Variants in PPP1R16A observed in about 807,000 individuals in gnomAD.
The protein encoded by PPP1R16A is protein phosphatase 1 regulatory subunit 16A, also known as myosin phosphatase-targeting subunit 3.
PPP1R16A carries 39 observed loss-of-function variants against 46.6 expected under a neutral mutation model. That is an observed-to-expected ratio of 0.84 (90% CI 0.65 to 1.09). The LOEUF is 1.09. Among genes scored for constraint, PPP1R16A ranks in the 50% least tolerant of loss-of-function variants. PPP1R16A has a pLI of 0.00. For missense variants in PPP1R16A, 798 were observed against 735.6 expected (o/e 1.08, Z -0.98); for synonymous variants, 413 against 321.5 (o/e 1.28, Z -3.04).
chr8:144,497,401 C>T lies in PPP1R16A; in HGVS notation c.207C>T (p.Phe69=). 6.2e-7 allele frequency: 1 copy of T among 1,613,084 alleles called. No homozygotes were observed. Among genetic ancestry groups the T allele is most frequent in the African/African-American group, 1.3e-5 (1 of 75,064 alleles). ...ASQGLLKQVL[F]PPSVVLLEAA... is the part of the protein sequence containing the mutation. ...AAGGGCTCCTGAAGCAGGTCCTCTT[C>T]CCTCCCAGTGTTGTCCTTCTGGAGG... Residue 69 remains phenylalanine, a synonymous_variant, in exon 3 of 12, where the codon TTC becomes TTT. Coordinates refer to ENST00000435887, the MANE Select transcript of PPP1R16A (RefSeq NM_001329443.2).
rs772518785 is a variant in PPP1R16A, at chr8:144,497,219, G to T, written c.25G>T (p.Ala9Ser). The change falls in exon 3 of 12, where the codon GCA becomes TCA. Residue 9 changes from alanine (A) to serine (S), a missense_variant. Physicochemically the swap from Ala to Ser is moderately conservative, Grantham distance 99. Transcript: ENST00000435887. Reference protein sequence around the residue: MAEHLELLAEMPMVGRMST... With the variant: MAEHLELLSEMPMVGRMST... ...CATGGCCGAGCACCTGGAGCTGCTG[G>T]CAGAGATGCCCATGGTGGGCAGGAT... 6.3e-7 allele frequency: 1 copy of T among 1,590,182 alleles called. No homozygotes were observed. Among genetic ancestry groups the T allele is most frequent in the Admixed American group, 1.8e-5 (1 of 56,238 alleles).
intron 1 of PPP1R16A, among the ~76,000 whole-genome samples, chr8:144,483,626 G>A (rs1825528081): frequency 6.6e-6 from 1 of 151,606 alleles, no homozygotes; most frequent in Non-Finnish European, 1.5e-5. Flanking sequence ...GGCTGGTCTC[G>A]AACTCTTGAC....
At chr8:144,485,212 CAAAAAAAAAAAA>C (rs749667274) in intron 1 of PPP1R16A, among the ~76,000 whole-genome samples, 4 of 61,546 alleles carry the variant, frequency 6.5e-5, no homozygotes, top group African/African-American at 2.1e-4. Context: ...AATAGAATCT[CAAAAAAAAAAAA>C]AAAAAAAAAA....
At position 144,501,693 on chromosome 8, in the gene PPP1R16A, G is replaced by C. The variant is rs774618377; in HGVS notation, c.1377G>C (p.Leu459=). ...AGGCCCACCACACCCTGGCTGACCT[G>C]AAGCGCCAGCGAGCTGCTGCCAAGC... is the stretch of plus-strand genomic sequence containing the variant. ...HDKAHHTLAD[L]KRQRAAAKLQ... Residue 459 remains leucine, a synonymous_variant, in exon 12 of 12, where the codon CTG becomes CTC. Coordinates refer to ENST00000435887, the MANE Select transcript of PPP1R16A (RefSeq NM_001329443.2). The C allele has an allele frequency of 2.3e-5, 37 of 1,605,266 alleles. No individual in the cohort carries two copies. The South Asian group carries it at 3.9e-4, about 17-fold the overall frequency.
At position 144,497,318 on chromosome 8, in the gene PPP1R16A, A is replaced by G. The variant is rs778206042; in HGVS notation, c.124A>G (p.Lys42Glu). 5.0e-6 allele frequency: 8 copies of G among 1,612,574 alleles called. No homozygotes were observed. Among genetic ancestry groups the G allele is most frequent in the South Asian group, 2.2e-5 (2 of 91,058 alleles). ...GGTGAAGATGTGGGCCCAGGCTGAG[A>G]AGGAGGCCCAGGGCAAGAAGGGTCC... is the stretch of plus-strand genomic sequence containing the variant. ...QQVKMWAQAEKEAQGKKGPGE... is the reference protein window; with the variant it reads ...QQVKMWAQAEEEAQGKKGPGE... The change falls in exon 3 of 12, where the codon AAG becomes GAG. Residue 42 changes from lysine (K) to glutamate (E), a missense_variant. Coordinates refer to ENST00000435887, the MANE Select transcript of PPP1R16A (RefSeq NM_001329443.2).
intron 3 of PPP1R16A, chr8:144,497,860 G>A: frequency 2.7e-6 from 1 of 368,940 alleles, no homozygotes; most frequent in Non-Finnish European, 5.4e-6. Flanking sequence ...GTGAAATAGG[G>A]TGGGACCAGC....
intron 1 of PPP1R16A, among the ~76,000 whole-genome samples, chr8:144,487,014 A>G (rs1377789710): frequency 1.3e-5 from 2 of 151,370 alleles, no homozygotes; most frequent in African/African-American, 2.4e-5. Flanking sequence ...TTGTTTTTTG[A>G]TTATTTTCTG....
At position 144,498,641 on chromosome 8, in the gene PPP1R16A, G is replaced by T. The variant is rs1286900805; in HGVS notation, c.260-129G>T. ...CCTGGTGCTTCTGCCCCCACCCCTG[G>T]GCTCTGGTGTGCCTCCTGCCATCGG... On this transcript the variant is annotated intron_variant, in intron 3 of 11. Coordinates refer to ENST00000435887, the MANE Select transcript of PPP1R16A (RefSeq NM_001329443.2). 9.1e-6 allele frequency: 8 copies of T among 882,752 alleles called. No individual in the cohort carries two copies. In the South Asian group the frequency reaches 1.6e-4, roughly 17 times the overall value. The allele number at this position is 882,752 out of a possible 1,614,324, so 54.7% of individuals were successfully genotyped here. A position where few individuals can be genotyped will look rare whatever the true frequency, so the allele number is the denominator to read the frequency against.
At chr8:144,489,996 C>G (rs777838509) in intron 1 of PPP1R16A, 38 bp from the exon 2 acceptor site, 1 of 152,340 alleles carries the variant, frequency 6.6e-6, no homozygotes, top group Admixed American at 6.5e-5. Context: ...CTGGCTCCCT[C>G]GGTCCTTCAC....
intron 1 of PPP1R16A, among the ~76,000 whole-genome samples, chr8:144,488,719 G>T (rs1825700873): frequency 6.6e-6 from 1 of 152,120 alleles, no homozygotes; most frequent in Non-Finnish European, 1.5e-5. Context: ...GGCTGGTGCT[G>T]GGTGGTTGGT....
At position 144,502,086 on chromosome 8, in the gene PPP1R16A, C is replaced by G. The variant is rs942139093; in HGVS notation, c.*183C>G. On this transcript the variant is annotated 3_prime_UTR_variant, in exon 12 of 12. Transcript: ENST00000435887. ...GTCTGGCTGCAAAGACTATTTTTATCCTGCAACTCTTGATAAAGGGCTGTT... is the reference window on the plus strand; with the variant it reads ...GTCTGGCTGCAAAGACTATTTTTATGCTGCAACTCTTGATAAAGGGCTGTT... 1 of 587,918 alleles carries G rather than the reference C, an allele frequency of 1.7e-6. No homozygotes were observed. The highest frequency in any genetic ancestry group is 3.0e-5 in the East Asian group (1 of 33,710). The allele number at this position is 587,918 out of a possible 1,614,324, so 36.4% of individuals were successfully genotyped here.
chr8:144,478,378 G>A, intron 1 of PPP1R16A: 2 of 348,584 alleles, frequency 5.7e-6, no homozygotes, highest in Non-Finnish European at 1.0e-5. Context: ...CGCGGCTGCC[G>A]GCACGCGGGC....
intron 4 of PPP1R16A, 27 bp from the exon 5 acceptor site, chr8:144,498,889 T>TGGTCGCTCACGTGGCAC (rs1826245481): frequency 6.2e-7 from 1 of 1,612,542 alleles, no homozygotes; most frequent in African/African-American, 1.3e-5. Flanking sequence ...CCCCGTGCTC[T>TGGTCGCTCACGTGGCAC]GGTCGCTCAC....
chr8:144,501,240 C>G lies in PPP1R16A; in HGVS notation c.1149C>G (p.Pro383=), dbSNP rs756169975. Residue 383 remains proline, a synonymous_variant, in exon 11 of 12, where the codon CCC becomes CCG. Transcript: ENST00000435887. The part of the protein sequence containing the change: ...QQPPPTSPEP[P]EDNDDRQTGA... ...CGCCGCCCACCAGCCCGGAGCCGCCCGAGGACAACGATGACCGCCAGACAG... is the reference window on the plus strand; with the variant it reads ...CGCCGCCCACCAGCCCGGAGCCGCCGGAGGACAACGATGACCGCCAGACAG... The G allele has an allele frequency of 3.1e-6, 5 of 1,605,218 alleles. No individual in the cohort carries two copies. The East Asian group carries it at 6.7e-5, about 22-fold the overall frequency.
chr8:144,480,806 A>C (rs142611737), intron 1 of PPP1R16A, among the ~76,000 whole-genome samples: 1 of 151,294 alleles, frequency 6.6e-6, no homozygotes, highest in African/African-American at 2.4e-5. Context: ...TTTTACATCA[A>C]ACTTTATTGA....
intron 1 of PPP1R16A, among the ~76,000 whole-genome samples, chr8:144,485,476 A>C (rs968801269): frequency 1.3e-5 from 2 of 151,106 alleles, no homozygotes; most frequent in African/African-American, 4.9e-5. Flanking sequence ...GTGAGCTGAG[A>C]TTGCGCCACT....
chr8:144,481,269 C>T (rs114660273), intron 1 of PPP1R16A, among the ~76,000 whole-genome samples: 1,766 of 152,296 alleles, frequency 0.012, 44 homozygotes, highest in African/African-American at 0.041. Flanking sequence ...TCGTGCTCCT[C>T]TGTGGTAAGC....
chr8:144,500,564 G>A lies in PPP1R16A; in HGVS notation c.783G>A (p.Lys261=), dbSNP rs767361705. The change falls in exon 8 of 12, where the codon AAG becomes AAA. Residue 261 remains lysine, a synonymous_variant. Transcript: ENST00000435887. ...AACACCGAGCCAGCCTGAGCGCTAA[G>A]GACCAAGACGGCTGGGAGCCGCTGC... ...LLEHRASLSA[K]DQDGWEPLHA... 1.9e-6 allele frequency: 3 copies of A among 1,598,158 alleles called. No homozygotes were observed. Among genetic ancestry groups the A allele is most frequent in the South Asian group, 1.1e-5 (1 of 90,934 alleles).
At chr8:144,484,720 G>A (rs1825574267) in intron 1 of PPP1R16A, among the ~76,000 whole-genome samples, 1 of 152,196 alleles carries the variant, frequency 6.6e-6, no homozygotes, top group Non-Finnish European at 1.5e-5. Context: ...GACAGACATT[G>A]CGTGAGAGCT....
Sources: gnomAD v4.1 joint callset for allele counts (sites outside exome capture counted in the v4.1 genomes callset) on GRCh38, gnomAD v4.1.1 for gene constraint, MANE v1.5 for transcripts, NCBI Gene and HGNC (gene_info 2026-07-23, HGNC 2026-07-21) for gene names.